The following DRC11 variants were observed in gnomAD, a reference collection of about 807,000 sequenced individuals.
DRC11 encodes dynein regulatory complex subunit 11.
At chr2:236,338,124 C>T in the DRC11 span, 184 of 1,437,874 alleles carry the variant, frequency 1.3e-4, no homozygotes, top group Non-Finnish European at 1.4e-4. Context: ...CCACCGGGTC[C>T]AAGGGCCGCC....
At chr2:236,386,836 G>A in the DRC11 span, among the ~76,000 whole-genome samples, 1 of 149,630 alleles carries the variant, frequency 6.7e-6, no homozygotes, top group Non-Finnish European at 1.5e-5. Context: ...TGCTTTGAAT[G>A]CGTCCCAGAG....
At chr2:236,390,275 G>A in the DRC11 span, among the ~76,000 whole-genome samples, 1 of 152,102 alleles carries the variant, frequency 6.6e-6, no homozygotes, top group Non-Finnish European at 1.5e-5. The surrounding 1 kb of genome is among the most constrained non-coding windows in gnomAD (Gnocchi z 5.9). Context: ...TTTTGTCTAA[G>A]TATAGCCATT....
chr2:236,458,105 G>C, the DRC11 span, among the ~76,000 whole-genome samples: 16 of 152,262 alleles, frequency 1.1e-4, no homozygotes, highest in East Asian at 3.1e-3. Context: ...AAGGAGGCCA[G>C]GGGCGGGGTA....
the DRC11 span, chr2:236,408,475 C>T: frequency 1.4e-6 from 1 of 738,574 alleles, no homozygotes; most frequent in Non-Finnish European, 2.5e-6. This position sits in a 1 kb window ranked among gnomAD's most constrained non-coding sequence, Gnocchi z 5.5. Flanking sequence ...CTGCTCTAGC[C>T]TCTCCCGGCC....
At chr2:236,380,141 G>A in the DRC11 span, among the ~76,000 whole-genome samples, 1 of 152,156 alleles carries the variant, frequency 6.6e-6, no homozygotes, top group East Asian at 1.9e-4. This position sits in a 1 kb window ranked among gnomAD's most constrained non-coding sequence, Gnocchi z 4.9. Context: ...GAAGCTCTGA[G>A]AAAGGACACC....
the DRC11 span, among the ~76,000 whole-genome samples, chr2:236,491,607 T>A: frequency 6.6e-6 from 1 of 152,170 alleles, no homozygotes; most frequent in African/African-American, 2.4e-5. Context: ...TTAGTAATTC[T>A]GCAGTGCTCA....
At chr2:236,338,058 T>C in the DRC11 span, 1 of 656,572 alleles carries the variant, frequency 1.5e-6, no homozygotes, top group Non-Finnish European at 2.6e-6. Context: ...TGCTCTGTGT[T>C]GGGTGCAGGT....
the DRC11 span, among the ~76,000 whole-genome samples, chr2:236,322,226 CCT>C: frequency 1.4e-5 from 2 of 144,870 alleles, no homozygotes; most frequent in African/African-American, 2.7e-5. Flanking sequence ...ATGTTTCTTT[CCT>C]CTTTTTTTTT....
chr2:236,383,433 T>C, the DRC11 span, among the ~76,000 whole-genome samples: 1 of 152,150 alleles, frequency 6.6e-6, no homozygotes, highest in Non-Finnish European at 1.5e-5. Context: ...CTATTCTCTA[T>C]TTCATGGATT....
At chr2:236,357,622 T>C in the DRC11 span, among the ~76,000 whole-genome samples, 9 of 118,458 alleles carry the variant, frequency 7.6e-5, no homozygotes, top group South Asian at 4.9e-4. Flanking sequence ...TATAAATATA[T>C]AAATATGCAT....
the DRC11 span, chr2:236,409,018 C>A: frequency 4.6e-6 from 3 of 652,496 alleles, no homozygotes; most frequent in African/African-American, 5.5e-5. Flanking sequence ...GTGCTGTGCA[C>A]TTCCGAGGCA....
chr2:236,464,145 C>T, the DRC11 span, among the ~76,000 whole-genome samples: 1 of 152,208 alleles, frequency 6.6e-6, no homozygotes, highest in Non-Finnish European at 1.5e-5. Context: ...TAGCCGTATC[C>T]TTGTCTTTGG....
the DRC11 span, chr2:236,399,373 G>T: frequency 2.0e-6 from 3 of 1,508,452 alleles, no homozygotes; most frequent in South Asian, 2.2e-5. The surrounding 1 kb of genome is among the most constrained non-coding windows in gnomAD (Gnocchi z 7.0). Context: ...CCCAGCACGT[G>T]CTGCTGTCTT....
chr2:236,309,459 C>A, the DRC11 span, among the ~76,000 whole-genome samples: 1 of 152,108 alleles, frequency 6.6e-6, no homozygotes, highest in African/African-American at 2.4e-5. The surrounding 1 kb of genome is among the most constrained non-coding windows in gnomAD (Gnocchi z 5.7). Flanking sequence ...GTGGTCATTG[C>A]CTGTGAGCAT....
At chr2:236,461,309 C>G in the DRC11 span, among the ~76,000 whole-genome samples, 1 of 152,122 alleles carries the variant, frequency 6.6e-6, no homozygotes, top group Non-Finnish European at 1.5e-5. The surrounding 1 kb of genome is among the most constrained non-coding windows in gnomAD (Gnocchi z 4.0). Context: ...GAACATTGAG[C>G]ACACAGCATA....
At chr2:236,445,639 C>T in the DRC11 span, among the ~76,000 whole-genome samples, 1 of 151,828 alleles carries the variant, frequency 6.6e-6, no homozygotes, top group Admixed American at 6.6e-5. The surrounding 1 kb of genome is among the most constrained non-coding windows in gnomAD (Gnocchi z 4.8). Context: ...TCCGCCTGGG[C>T]TATTTTTAAT....
At chr2:236,340,135 T>C in the DRC11 span, among the ~76,000 whole-genome samples, 3 of 152,244 alleles carry the variant, frequency 2.0e-5, no homozygotes, top group African/African-American at 4.8e-5. Flanking sequence ...GTGAGAACAA[T>C]TTCTTTTATT....
the DRC11 span, among the ~76,000 whole-genome samples, chr2:236,316,644 T>G: frequency 1.3e-5 from 2 of 152,156 alleles, no homozygotes; most frequent in Non-Finnish European, 2.9e-5. The surrounding 1 kb of genome is among the most constrained non-coding windows in gnomAD (Gnocchi z 6.8). Context: ...ACGGTAATAT[T>G]CAAGTGATCA....
the DRC11 span, among the ~76,000 whole-genome samples, chr2:236,459,918 T>G: frequency 6.6e-6 from 1 of 152,108 alleles, no homozygotes; most frequent in African/African-American, 2.4e-5. Flanking sequence ...CAACTATAAG[T>G]GCTGACTCAA....
Sources: allele counts gnomAD v4.1 joint callset (sites outside exome capture counted in the v4.1 genomes callset), GRCh38; gene constraint gnomAD v4.1.1; non-coding constraint Gnocchi (gnomAD v3.1); transcripts MANE v1.5; gene names NCBI Gene and HGNC (gene_info 2026-07-23, HGNC 2026-07-21).